The following TRIM33 variants were observed in gnomAD, a reference collection of about 807,000 sequenced individuals.
TRIM33 encodes the protein tripartite motif containing 33.
A neutral mutation model predicts 125.4 loss-of-function variants in TRIM33; 20 were observed. That is an observed-to-expected ratio of 0.16 (90% CI 0.11 to 0.23). The LOEUF (loss-of-function observed/expected upper bound fraction) is 0.23. Among genes scored for constraint, TRIM33 ranks in the 10% least tolerant of loss-of-function variants. The probability of loss-of-function intolerance (pLI) is 1.00; values close to 1 mark genes in which losing one functional copy is unlikely to be tolerated. For synonymous variants in TRIM33, 564 were observed against 513.9 expected (o/e 1.10, Z -1.32); for missense variants, 920 against 1,411.4 (o/e 0.65, Z 5.58).
At chr1:114,406,582 C>T (rs1652256881) in intron 14 of TRIM33, among the ~76,000 whole-genome samples, 1 of 152,132 alleles carries the variant, frequency 6.6e-6, no homozygotes, top group Admixed American at 6.5e-5. Flanking sequence ...ATGCTGAGCT[C>T]ACAGGTCCAG....
intron 8 of TRIM33, among the ~76,000 whole-genome samples, chr1:114,426,011 G>C (rs1180519087): frequency 6.6e-6 from 1 of 152,114 alleles, no homozygotes; most frequent in African/African-American, 2.4e-5. Context: ...TTATCTATTA[G>C]AAGAGGCCTA....
At chr1:114,471,622 C>CA (rs1461628045) in intron 1 of TRIM33, among the ~76,000 whole-genome samples, 5 of 151,602 alleles carry the variant, frequency 3.3e-5, no homozygotes, top group Admixed American at 6.6e-5. Context: ...GCAGCAACTG[C>CA]AAAAAACAAA....
intron 1 of TRIM33, among the ~76,000 whole-genome samples, chr1:114,502,245 C>G (rs190364974): frequency 1.3e-5 from 2 of 152,182 alleles, no homozygotes; most frequent in Admixed American, 1.3e-4. Context: ...ATCTTATGAT[C>G]TGACATTCTT....
chr1:114,482,005 C>T (rs538808083), intron 1 of TRIM33, among the ~76,000 whole-genome samples: 1 of 152,242 alleles, frequency 6.6e-6, no homozygotes, highest in Non-Finnish European at 1.5e-5. Context: ...AGGTGATCTG[C>T]CCACCTCGGC....
chr1:114,509,143 G>A (rs1025206987), intron 1 of TRIM33, among the ~76,000 whole-genome samples: 3 of 152,004 alleles, frequency 2.0e-5, no homozygotes, highest in African/African-American at 4.8e-5. Flanking sequence ...GATCTTTCTG[G>A]ATCAGAAATC....
Position 114,402,712 on chromosome 1 carries a change from C to A in TRIM33, c.2892+48G>T, listed in dbSNP as rs372491317. 9 of 1,587,996 alleles carry A rather than the reference C, an allele frequency of 5.7e-6. No individual in the cohort carries two copies. The African/African-American group carries it at 1.1e-4, about 19-fold the overall frequency. The stretch of plus-strand genomic sequence containing the variant: ...GGAAAAAAAAAGGTGTATATATAGG[C>A]AGACAACTACTGAATCCCAGTGACA... On this transcript the variant is annotated intron_variant, in intron 16 of 19. Transcript: ENST00000358465.
chr1:114,487,671 G>T lies in TRIM33; in HGVS notation c.526+22880C>A, dbSNP rs1380562258. On this transcript the variant is annotated intron_variant, in intron 1 of 19. Coordinates refer to ENST00000358465, the MANE Select transcript of TRIM33 (RefSeq NM_015906.4). ...CCAGCACTTTGGGAGGCCGAGGCGGGTGGATCATGAGGTCAGGAGATCGAG... is the reference window on the plus strand; with the variant it reads ...CCAGCACTTTGGGAGGCCGAGGCGGTTGGATCATGAGGTCAGGAGATCGAG... 2.0e-5 allele frequency among the ~76,000 whole-genome samples: 3 copies of T among 151,428 alleles called. No individual in the cohort carries two copies. In the East Asian group the frequency reaches 5.8e-4, roughly 29 times the overall value.
intron 4 of TRIM33, among the ~76,000 whole-genome samples, chr1:114,461,684 A>G (rs1650010336): frequency 1.3e-5 from 2 of 152,200 alleles, no homozygotes; most frequent in Admixed American, 1.3e-4. Flanking sequence ...GCTATTCTTT[A>G]ATGAGGAAAA....
chr1:114,464,297 A>G lies in TRIM33; in HGVS notation c.618T>C (p.Pro206=). ...NYFVKDTSEA[P]SSSDEKSEQV... Reference sequence around the variant, plus strand: ...GTTCTGATTTTTCATCAGAACTGCTAGGAGCTTCAGATGTGTCTTTCACAA... The same window carrying G: ...GTTCTGATTTTTCATCAGAACTGCTGGGAGCTTCAGATGTGTCTTTCACAA... Residue 206 remains proline (P), a synonymous_variant, in exon 2 of 20, where the codon CCT becomes CCC. Coordinates refer to ENST00000358465, the MANE Select transcript of TRIM33 (RefSeq NM_015906.4). 2.5e-6 allele frequency: 4 copies of G among 1,605,576 alleles called. No individual in the cohort carries two copies. The highest frequency in any genetic ancestry group is 3.4e-6 in the Non-Finnish European group (4 of 1,176,026).
At chr1:114,431,947 A>G (rs1647975396) in intron 5 of TRIM33, among the ~76,000 whole-genome samples, 1 of 152,184 alleles carries the variant, frequency 6.6e-6, no homozygotes, top group Non-Finnish European at 1.5e-5. Flanking sequence ...GAAAACAGAG[A>G]GTAGTTAGAG....
intron 11 of TRIM33, among the ~76,000 whole-genome samples, chr1:114,418,728 T>C (rs72696005): frequency 0.087 from 13,275 of 152,164 alleles, 786 homozygotes; most frequent in Non-Finnish European, 0.13. Context: ...TTTTGAGGTT[T>C]CTCGCATGTC....
intron 1 of TRIM33, among the ~76,000 whole-genome samples, chr1:114,504,161 T>C (rs1458644876): frequency 6.6e-6 from 1 of 151,402 alleles, no homozygotes; most frequent in African/African-American, 2.4e-5. Flanking sequence ...TTTTTTATTT[T>C]TTTATTTTTT....
intron 11 of TRIM33, among the ~76,000 whole-genome samples, chr1:114,418,506 C>A (rs1355556930): frequency 1.3e-5 from 2 of 152,096 alleles, no homozygotes; most frequent in Non-Finnish European, 2.9e-5. Flanking sequence ...TTATGGTTTA[C>A]ATAATAGCCC....
chr1:114,443,213 C>T (rs1435288537), intron 4 of TRIM33, among the ~76,000 whole-genome samples: 3 of 151,618 alleles, frequency 2.0e-5, no homozygotes. Context: ...GAAACCCCAT[C>T]ACTACTAAAA....
At chr1:114,465,837 G>T (rs67412280) in intron 1 of TRIM33, among the ~76,000 whole-genome samples, 70 of 151,578 alleles carry the variant, frequency 4.6e-4, no homozygotes, top group Non-Finnish European at 9.1e-4. Flanking sequence ...GTCAGGAGAT[G>T]GAGACTATCC....
intron 5 of TRIM33, among the ~76,000 whole-genome samples, chr1:114,432,803 C>T (rs73005378): frequency 0.063 from 9,604 of 152,036 alleles, 325 homozygotes; most frequent in African/African-American, 0.086. Context: ...AAAAGTTCTA[C>T]CATGTGTAAA....
intron 11 of TRIM33, among the ~76,000 whole-genome samples, chr1:114,412,826 A>C (rs1158007071): frequency 1.3e-5 from 2 of 152,214 alleles, no homozygotes; most frequent in East Asian, 3.9e-4. Context: ...TTTGAGTACG[A>C]ATCTTTGTAT....
rs1651644646 is a variant in TRIM33 at position 114,397,976 on chromosome 1, A to T, written c.3135T>A (p.Val1045=). 6.2e-7 allele frequency: 1 copy of T among 1,612,244 alleles called. No individual in the cohort carries two copies. Among genetic ancestry groups the T allele is most frequent in the Non-Finnish European group, 8.5e-7 (1 of 1,179,700 alleles). ...CERFNEMMKV[V]QVYADTQEIN... is the part of the protein sequence containing the mutation. ...TCTCTTGTGTGTCTGCATAAACTTG[A>T]ACAACTTTCATCATCTAAAAAGGAT... The change falls in exon 19 of 20, where the codon GTT becomes GTA. Residue 1045 remains valine (V), a synonymous_variant. Coordinates refer to ENST00000358465, the MANE Select transcript of TRIM33 (RefSeq NM_015906.4).
intron 7 of TRIM33, 119 bp downstream of exon 7, chr1:114,427,629 T>G: frequency 2.9e-6 from 3 of 1,021,706 alleles, no homozygotes; most frequent in Middle Eastern, 2.2e-4. Flanking sequence ...TTCTGTATCT[T>G]GATGTGGTGG....
Sources: allele counts gnomAD v4.1 joint callset (sites outside exome capture counted in the v4.1 genomes callset), GRCh38; gene constraint gnomAD v4.1.1; transcripts MANE v1.5; gene names NCBI Gene and HGNC (gene_info 2026-07-23, HGNC 2026-07-21).